Variants in PACS2 observed in about 807,000 individuals in gnomAD.
PACS2 encodes the protein phosphofurin acidic cluster sorting protein 2, also known as PACS1-like protein.
In PACS2, 36 loss-of-function variants were observed where a neutral mutation model predicts 113.0. The observed-to-expected ratio is 0.32, with a 90% confidence interval of 0.24 to 0.42. PACS2 has a LOEUF of 0.42. Ranked by LOEUF, PACS2 falls within the 10% of genes least tolerant of loss-of-function variation. The pLI is 1.00. For synonymous variants in PACS2, 589 were observed against 536.1 expected, an observed-to-expected ratio of 1.10 and a Z score of -1.36; for missense variants, 1,015 against 1,239.5, an observed-to-expected ratio of 0.82 and a Z score of 2.72.
Position 105,385,764 on chromosome 14 carries a change from G to T in PACS2, c.2033+47G>T, listed in dbSNP as rs587723461. ...TCCCACCCTGTCTGTCCCCAGGCTGGTCTTCAGGGCTTGTTTGGCAGAGTC... is the reference window on the plus strand; with the variant it reads ...TCCCACCCTGTCTGTCCCCAGGCTGTTCTTCAGGGCTTGTTTGGCAGAGTC... On this transcript the variant is annotated intron_variant, in intron 19 of 24. Coordinates refer to ENST00000447393, the MANE Select transcript of PACS2 (RefSeq NM_001100913.3). 1.2e-5 allele frequency: 15 copies of T among 1,293,064 alleles called. No homozygotes were observed. In the South Asian group the frequency reaches 2.2e-4, roughly 19 times the overall value. The allele number at this position is 1,293,064 out of a possible 1,614,324, so 80.1% of individuals were successfully genotyped here. A position where few individuals can be genotyped will look rare whatever the true frequency, so the allele number is the denominator to read the frequency against.
At chr14:105,325,524 C>T (rs187704186) in intron 1 of PACS2, among the ~76,000 whole-genome samples, 28 of 152,328 alleles carry the variant, frequency 1.8e-4, no homozygotes, top group Admixed American at 5.2e-4. Context: ...CCATCCAGCC[C>T]GTGTCCTAAG....
rs1367101365 is a variant in PACS2 at position 105,382,491 on chromosome 14, T to C, written c.1428T>C (p.Thr476=). Residue 476 remains threonine, a synonymous_variant, in exon 14 of 25, where the codon ACT becomes ACC. Coordinates refer to ENST00000447393, the MANE Select transcript of PACS2 (RefSeq NM_001100913.3). ...TGTGCCTCCAGATCCCCAGGAAGAC[T>C]GTGTATGACCAGCTCAACCACATCC... The part of the protein sequence containing the change: ...LQVQLQIPRK[T]VYDQLNHILI... The C allele has an allele frequency of 6.2e-7, 1 of 1,606,754 alleles. No homozygotes were observed. Among genetic ancestry groups the C allele is most frequent in the Non-Finnish European group, 8.5e-7 (1 of 1,173,500 alleles).
chr14:105,397,465 C>CA lies in PACS2; in HGVS notation c.*2794dup, dbSNP rs1386312125. 6.6e-6 allele frequency: 1 copy of CA among 152,262 alleles called. No homozygotes were observed. The highest frequency in any genetic ancestry group is 1.5e-5 in the Non-Finnish European group (1 of 68,110). The allele number at this position is 152,262 out of a possible 1,614,324, so 9.4% of individuals were successfully genotyped here. On this transcript the variant is annotated 3_prime_UTR_variant, in exon 25 of 25. Coordinates refer to ENST00000447393, the MANE Select transcript of PACS2 (RefSeq NM_001100913.3). ...GCCCCATCAGTCTCAAAGGTTAAGC[C>CA]ACCAGTCACCACCGAGGCACCCCTC...
chr14:105,381,234 C>T (rs142152496), intron 12 of PACS2, 135 bp downstream of exon 12: 66 of 681,234 alleles, frequency 9.7e-5, no homozygotes, highest in Admixed American at 2.0e-4. Context: ...AGATTCAGGG[C>T]CTCGTCCTTC....
In PACS2 at chr14:105,317,205, A is replaced by G. The variant is rs1299147353; in HGVS notation, c.119+2168A>G. On this transcript the variant is annotated intron_variant, in intron 1 of 24. Coordinates refer to ENST00000447393, the MANE Select transcript of PACS2 (RefSeq NM_001100913.3). This position sits in a 1 kb window ranked among gnomAD's most constrained non-coding sequence, Gnocchi z 4.2. ...GCTGCGTACTATTCACTGGCGTGAC[A>G]GTACCTCGGCTTTGCTTCTGTCAAG... is the stretch of plus-strand genomic sequence containing the variant. Among the ~76,000 whole-genome samples the G allele has an allele frequency of 6.6e-6, 1 of 152,194 alleles. No individual in the cohort carries two copies. The highest frequency in any genetic ancestry group is 1.5e-5 in the Non-Finnish European group (1 of 68,044).
chr14:105,332,272 C>T (rs993638132), intron 1 of PACS2, among the ~76,000 whole-genome samples: 1 of 152,214 alleles, frequency 6.6e-6, no homozygotes, highest in Non-Finnish European at 1.5e-5. Flanking sequence ...CCTCCCAGCC[C>T]CTCACTGGCG....
chr14:105,360,980 T>G (rs1409701393), intron 4 of PACS2, among the ~76,000 whole-genome samples: 3 of 152,240 alleles, frequency 2.0e-5, no homozygotes, highest in Admixed American at 2.0e-4. Flanking sequence ...CAGCTGAAGT[T>G]TCTTCATGAG....
intron 1 of PACS2, among the ~76,000 whole-genome samples, chr14:105,341,834 C>T (rs1481672888): frequency 6.6e-6 from 1 of 152,216 alleles, no homozygotes; most frequent in Non-Finnish European, 1.5e-5. Flanking sequence ...GGGGCAGCCA[C>T]GTTCCCCCTG....
chr14:105,394,546 T>G lies in PACS2; in HGVS notation c.2597-8T>G. 1 of 1,611,766 alleles carries G rather than the reference T, an allele frequency of 6.2e-7. No individual in the cohort carries two copies. Among genetic ancestry groups the G allele is most frequent in the Non-Finnish European group, 8.5e-7 (1 of 1,179,242 alleles). ...GGGGGCAGGCGGTCAGGCAGCCCTC[T>G]CCCACAGTCCTCATCGACGGCGTGG... On this transcript the variant is annotated splice_region_variant and splice_polypyrimidine_tract_variant and intron_variant, in intron 24 of 24. Transcript: ENST00000447393.
In PACS2 at chr14:105,367,385, G is replaced by T; in HGVS notation, c.586+10G>T. On this transcript the variant is annotated intron_variant, in intron 5 of 24. Transcript: ENST00000447393. ...AAGGCCAAGTCCACGGGTGAGTGTG[G>T]TGCCAGCCCGCTCCTGCCCCTGCTG... 6 of 1,611,154 alleles carry T rather than the reference G, an allele frequency of 3.7e-6. No individual in the cohort carries two copies. Among genetic ancestry groups the T allele is most frequent in the Non-Finnish European group, 5.1e-6 (6 of 1,178,408 alleles).
At position 105,391,746 on chromosome 14, in the gene PACS2, C is replaced by T. The variant is rs942220876; in HGVS notation, c.2235C>T (p.Ser745=). ...CCCCGCCCTCCTCCCCGTCGGTGAG[C>T]GGAGGCCTGTCCTCCCCCAGGTAAA... is the stretch of plus-strand genomic sequence containing the variant. ...SPTPPSSPSV[S]GGLSSPSQGV... The change falls in exon 22 of 25, where the codon AGC becomes AGT. Residue 745 remains serine (S), a synonymous_variant. Transcript: ENST00000447393. The T allele has an allele frequency of 3.8e-6, 6 of 1,594,666 alleles. No homozygotes were observed. The highest frequency in any genetic ancestry group is 1.7e-5 in the Admixed American group (1 of 57,358).
chr14:105,309,543 A>G (rs1406355178), upstream of PACS2, among the ~76,000 whole-genome samples: 1 of 152,054 alleles, frequency 6.6e-6, no homozygotes, highest in Non-Finnish European at 1.5e-5. The surrounding 1 kb of genome is among the most constrained non-coding windows in gnomAD (Gnocchi z 4.0). Flanking sequence ...TTCCAGTGTC[A>G]CCTGCAGGAT....
In PACS2 at chr14:105,365,386, G is replaced by A. The variant is rs917616706; in HGVS notation, c.424-1827G>A. 1.3e-5 allele frequency among the ~76,000 whole-genome samples: 2 copies of A among 152,120 alleles called. No homozygotes were observed. Among genetic ancestry groups the A allele is most frequent in the African/African-American group, 4.8e-5 (2 of 41,418 alleles). ...CAGGGCCTGCAGATATCAAAATAGT[G>A]TTCACATATAGGTCGACCACAGGCT... On this transcript the variant is annotated intron_variant, in intron 4 of 24. Transcript: ENST00000447393. The surrounding 1 kb of genome is among the most constrained non-coding windows in gnomAD (Gnocchi z 5.1).
At chr14:105,333,890 C>T (rs1333216592) in intron 1 of PACS2, among the ~76,000 whole-genome samples, 2 of 152,176 alleles carry the variant, frequency 1.3e-5, no homozygotes, top group African/African-American at 4.8e-5. Context: ...TTCTGGGAGC[C>T]TCCCCCAGCT....
chr14:105,383,028 G>C, intron 15 of PACS2, 115 bp downstream of exon 15: 1 of 685,962 alleles, frequency 1.5e-6, no homozygotes, highest in African/African-American at 1.8e-5. Flanking sequence ...GCTGTGGCTG[G>C]TGTCCACAGA....
intron 20 of PACS2, 59 bp downstream of exon 20, chr14:105,390,062 CA>C: frequency 6.9e-7 from 1 of 1,439,712 alleles, no homozygotes; most frequent in Non-Finnish European, 9.8e-7. Flanking sequence ...TTGTCGTTTA[CA>C]GTCAGAACGT....
intron 1 of PACS2, among the ~76,000 whole-genome samples, chr14:105,326,878 C>A (rs1292667437): frequency 6.6e-6 from 1 of 152,196 alleles, no homozygotes; most frequent in Non-Finnish European, 1.5e-5. Context: ...CCAGCCTGCC[C>A]CTTGCAGTCA....
At chr14:105,310,485 G>A (rs2058322790), upstream of PACS2, among the ~76,000 whole-genome samples, 1 of 131,590 alleles carries the variant, frequency 7.6e-6, no homozygotes, top group Non-Finnish European at 1.5e-5. Flanking sequence ...AGCTGAGATG[G>A]CACCACTGCA....
chr14:105,334,801 G>C (rs1367774830), intron 1 of PACS2, among the ~76,000 whole-genome samples: 1 of 152,252 alleles, frequency 6.6e-6, no homozygotes, highest in Admixed American at 6.5e-5. Flanking sequence ...ATGGGATGCA[G>C]CTCATAACGT....
Sources: allele counts gnomAD v4.1 joint callset (sites outside exome capture counted in the v4.1 genomes callset), GRCh38; gene constraint gnomAD v4.1.1; non-coding constraint Gnocchi (gnomAD v3.1); transcripts MANE v1.5; gene names NCBI Gene and HGNC (gene_info 2026-07-23, HGNC 2026-07-21).